SEC16B: variants seen among roughly 807,000 people sequenced by gnomAD.
The protein encoded by SEC16B is protein transport protein Sec16B.
A neutral mutation model predicts 141.8 loss-of-function variants in SEC16B; 115 were observed. The ratio of observed to expected loss-of-function variants is 0.81; its 90% confidence interval spans 0.70 to 0.95. The LOEUF (loss-of-function observed/expected upper bound fraction) is 0.95, where lower values mean the gene tolerates loss of function less well. SEC16B is among the 40% of genes least tolerant of loss of function. The pLI is 0.00. For missense variants in SEC16B, 1,291 were observed against 1,312.3 expected (o/e 0.98, Z 0.25); for synonymous variants, 493 against 492.5 (o/e 1.00, Z -0.01).
Position 177,946,455 on chromosome 1 carries a change from C to A in SEC16B, c.1740G>T (p.Lys580Asn). Reference sequence around the variant, plus strand: ...TGCCCAGCAAGACCAGATGGTCTGTCTTCACGGTGTAGTGGCCAAAGGGCA... The same window carrying A: ...TGCCCAGCAAGACCAGATGGTCTGTATTCACGGTGTAGTGGCCAAAGGGCA... ...AHVPFGHYTV[K>N]TDHLVLLGSS... The change falls in exon 14 of 26, where the codon AAG becomes AAT. Residue 580 changes from lysine to asparagine, a missense_variant. Around this residue, in one of 3 missense-constraint regions of SEC16B, gnomAD observed 605 missense variants for 614.1 expected, o/e 0.99. Coordinates refer to ENST00000308284, the MANE Select transcript of SEC16B (RefSeq NM_033127.4). The A allele has an allele frequency of 6.3e-7, 1 of 1,580,128 alleles. No individual in the cohort carries two copies. Among genetic ancestry groups the A allele is most frequent in the Non-Finnish European group, 8.6e-7 (1 of 1,163,318 alleles).
chr1:177,936,935 T>C (rs1336473518), intron 19 of SEC16B, among the ~76,000 whole-genome samples: 1 of 152,164 alleles, frequency 6.6e-6, no homozygotes, highest in Non-Finnish European at 1.5e-5. Flanking sequence ...CTAGAAACTA[T>C]GTAATCATTT....
chr1:177,941,691 C>T (rs933943270), intron 16 of SEC16B, among the ~76,000 whole-genome samples: 7 of 152,146 alleles, frequency 4.6e-5, no homozygotes, highest in Non-Finnish European at 1.0e-4. Flanking sequence ...CCAATCCCAC[C>T]ACCACCCGCC....
Position 177,960,405 on chromosome 1 carries a change from T to G in SEC16B, c.937-2A>C. ...CTCTTCGGAATCATTAAGAATAACC[T>G]GGAATAAAACAATCAGATTTTGTGT... is the stretch of plus-strand genomic sequence containing the variant. On this transcript the variant is annotated splice_acceptor_variant, in intron 7 of 25. Coordinates refer to ENST00000308284, the MANE Select transcript of SEC16B (RefSeq NM_033127.4). LOFTEE classifies it high-confidence loss of function. 1 of 1,589,562 alleles carries G rather than the reference T, an allele frequency of 6.3e-7. No homozygotes were observed. Among genetic ancestry groups the G allele is most frequent in the Non-Finnish European group, 8.6e-7 (1 of 1,163,680 alleles).
chr1:177,954,361 C>A lies in SEC16B; in HGVS notation c.1381G>T (p.Ala461Ser). 1 of 1,573,280 alleles carries A rather than the reference C, an allele frequency of 6.4e-7. No individual in the cohort carries two copies. Among genetic ancestry groups the A allele is most frequent in the Admixed American group, 1.8e-5 (1 of 54,626 alleles). Residue 461 changes from alanine (A) to serine (S), a missense_variant, in exon 11 of 26, where the codon GCC becomes TCC. By Grantham distance (99) the Ala-to-Ser change is moderately conservative. Transcript: ENST00000308284. ...TGGCCCCACAAGTGGTTCTTCATGG[C>A]CCACTCCAAGGCTTCCTGAAAACCA... is the stretch of plus-strand genomic sequence containing the variant. Reference protein sequence around the residue: ...YGRKKEALEWAMKNHLWGHAL... With the variant: ...YGRKKEALEWSMKNHLWGHAL...
chr1:177,949,968 T>C (rs900737102), intron 12 of SEC16B, among the ~76,000 whole-genome samples: 5 of 150,506 alleles, frequency 3.3e-5, no homozygotes. Context: ...AAATGAACCA[T>C]AGCTAATTGT....
intron 16 of SEC16B, 32 bp from the exon 17 acceptor site, chr1:177,940,746 G>T: frequency 6.8e-7 from 1 of 1,477,236 alleles, no homozygotes; most frequent in Non-Finnish European, 9.4e-7. Context: ...GTTAGGGGCA[G>T]AAAGTAAGAG....
chr1:177,973,681 G>T (rs1405818215), upstream of SEC16B, among the ~76,000 whole-genome samples: 1 of 152,016 alleles, frequency 6.6e-6, no homozygotes, highest in Non-Finnish European at 1.5e-5. Context: ...CCTACTATAT[G>T]CCCATCATTA....
chr1:177,936,223 G>C, intron 20 of SEC16B, 75 bp downstream of exon 20: 1 of 1,220,620 alleles, frequency 8.2e-7, no homozygotes, highest in Non-Finnish European at 1.2e-6. Flanking sequence ...GCATGTGGCT[G>C]GGAAACCAAG....
chr1:177,970,422 T>G (rs1437905038), upstream of SEC16B, among the ~76,000 whole-genome samples: 2 of 152,174 alleles, frequency 1.3e-5, no homozygotes, highest in African/African-American at 4.8e-5. Flanking sequence ...GGGGCTGAAA[T>G]GTTGGTAAAG....
At chr1:177,960,644 A>G in intron 7 of SEC16B, 147 bp downstream of exon 7, 1 of 872,116 alleles carries the variant, frequency 1.1e-6, no homozygotes, top group South Asian at 1.8e-5. Flanking sequence ...CACCCTCCTA[A>G]TCCAGGGGGT....
Position 177,949,429 on chromosome 1 carries a change from C to CACAA in SEC16B, c.1546-1488_1546-1487insTTGT, listed in dbSNP as rs1491561749. On this transcript the variant is annotated intron_variant, in intron 12 of 25. Coordinates refer to ENST00000308284, the MANE Select transcript of SEC16B (RefSeq NM_033127.4). ...ACACACACACACACACACACACACACAAAGAAAAACTTAGAGGTCATTATT... is the reference window on the plus strand; with the variant it reads ...ACACACACACACACACACACACACACACAAAAAGAAAAACTTAGAGGTCATTATT... 1.1e-3 allele frequency among the ~76,000 whole-genome samples: 152 copies of CACAA among 139,244 alleles called. 2 individuals carry two copies. The highest frequency in any genetic ancestry group is 3.7e-3 in the African/African-American group (137 of 37,300). The allele number at this position is 139,244 out of a possible 152,430, so 91.3% of individuals were successfully genotyped here. A position where few individuals can be genotyped will look rare whatever the true frequency, so the allele number is the denominator to read the frequency against.
chr1:177,965,947 C>T lies in SEC16B; in HGVS notation c.358G>A (p.Ala120Thr), dbSNP rs1380120878. 3 of 1,599,512 alleles carry T rather than the reference C, an allele frequency of 1.9e-6. No homozygotes were observed. Among genetic ancestry groups the T allele is most frequent in the Non-Finnish European group, 2.6e-6 (3 of 1,172,392 alleles). The change falls in exon 3 of 26, where the codon GCT becomes ACT. Residue 120 changes from alanine to threonine, a missense_variant. By Grantham distance (58) the Ala-to-Thr change is moderately conservative (BLOSUM62 0). This residue lies in a region of SEC16B where 681 missense variants were observed against 675.5 expected (regional missense o/e 1.01). Transcript: ENST00000308284. Reference protein sequence around the residue: ...YQSPTMREEYAYGSYYYHGHP... With the variant: ...YQSPTMREEYTYGSYYYHGHP... ...CCATGATAGTAATAACTTCCATAAG[C>T]ATATTCCTCCCTCATTGTGGGAGAC... is the stretch of plus-strand genomic sequence containing the variant.
At chr1:177,952,939 C>G (rs1436912524) in intron 11 of SEC16B, among the ~76,000 whole-genome samples, 2 of 151,938 alleles carry the variant, frequency 1.3e-5, no homozygotes, top group Admixed American at 6.6e-5. Context: ...AGGCCATCAT[C>G]CAGAATGGGC....
chr1:177,954,826 G>A (rs1374274011), intron 10 of SEC16B, among the ~76,000 whole-genome samples: 1 of 151,962 alleles, frequency 6.6e-6, no homozygotes, highest in African/African-American at 2.4e-5. Context: ...CAGTGTGTGT[G>A]TATATATACA....
intron 18 of SEC16B, 127 bp downstream of exon 18, chr1:177,939,575 C>T (rs979134384): frequency 3.0e-5 from 23 of 758,022 alleles, no homozygotes; most frequent in Admixed American, 5.1e-5. Flanking sequence ...GACAACGGGG[C>T]GGACTTACAC....
rs1652825871 is a variant in SEC16B, at chr1:177,958,760, T to C, written c.1134+80A>G. On this transcript the variant is annotated intron_variant, in intron 9 of 25. Coordinates refer to ENST00000308284, the MANE Select transcript of SEC16B (RefSeq NM_033127.4). ...TCTTTAATATTGCTTTTCATAATCA[T>C]GTCATAAACATAATCTTATCTATCC... 2.7e-6 allele frequency: 4 copies of C among 1,491,740 alleles called. No individual in the cohort carries two copies. The South Asian group carries it at 4.1e-5, about 15-fold the overall frequency. 92.4% of individuals were successfully genotyped at this position (1,491,740 alleles called of 1,614,324 possible).
chr1:177,970,149 C>T (rs1653868248), upstream of SEC16B: 1 of 152,294 alleles, frequency 6.6e-6, no homozygotes, highest in African/African-American at 2.4e-5. Context: ...GAGACTGGCG[C>T]TTCTGTTTGC....
In SEC16B at chr1:177,958,332, G is replaced by C; in HGVS notation, c.1165C>G (p.Leu389Val). ...TCCAGCTTCTTGCAGTCTTGCATTA[G>C]CAGCTCAGCGATGTCAGACCCCACC... The part of the protein sequence containing the change: ...SMVGSDIAEL[L>V]MQDCKKLEKY... Residue 389 changes from leucine to valine, a missense_variant, in exon 10 of 26, where the codon CTA becomes GTA. Transcript: ENST00000308284. 6.2e-7 allele frequency: 1 copy of C among 1,604,374 alleles called. No homozygotes were observed. The highest frequency in any genetic ancestry group is 1.3e-5 in the African/African-American group (1 of 74,728).
At chr1:177,960,081 G>T in intron 8 of SEC16B, 1 of 457,356 alleles carries the variant, frequency 2.2e-6, no homozygotes, top group Non-Finnish European at 3.9e-6. Flanking sequence ...TTCCAACCAT[G>T]CAGCCTCTGC....
Sources: gnomAD v4.1 joint callset for allele counts (sites outside exome capture counted in the v4.1 genomes callset) on GRCh38, gnomAD v4.1.1 for gene constraint, gnomAD v4.1.1 regional missense constraint, MANE v1.5 for transcripts, NCBI Gene and HGNC (gene_info 2026-07-23, HGNC 2026-07-21) for gene names.